ARHGAP32: variants seen among roughly 807,000 people sequenced by gnomAD.
The protein encoded by ARHGAP32 is Rho GTPase activating protein 32, also known as rho GTPase-activating protein 32.
Under a neutral mutation model 186.5 loss-of-function variants are expected in ARHGAP32, and 51 were observed. That is an observed-to-expected ratio of 0.27 (90% CI 0.22 to 0.35). The LOEUF is 0.35. Among genes scored for constraint, ARHGAP32 ranks in the 10% least tolerant of loss-of-function variants. The pLI is 1.00. For missense variants in ARHGAP32, 2,186 were observed against 2,623.5 expected (o/e 0.83, Z 3.64); for synonymous variants, 950 against 964.3 (o/e 0.99, Z 0.27).
intron 2 of ARHGAP32, among the ~76,000 whole-genome samples, chr11:129,129,087 T>G (rs1347062591): frequency 6.6e-6 from 1 of 151,264 alleles, no homozygotes; most frequent in Non-Finnish European, 1.5e-5. Context: ...CCGCCCCGTC[T>G]GGGATGTGAA....
intron 10 of ARHGAP32, among the ~76,000 whole-genome samples, chr11:129,049,245 A>C (rs1939938428): frequency 6.6e-6 from 1 of 152,178 alleles, no homozygotes; most frequent in Non-Finnish European, 1.5e-5. Flanking sequence ...CCTACAGTGT[A>C]TGACAACAGC....
chr11:128,983,709 T>A (rs1359074246), intron 15 of ARHGAP32, among the ~76,000 whole-genome samples: 1 of 151,642 alleles, frequency 6.6e-6, no homozygotes, highest in African/African-American at 2.4e-5. Context: ...GAAAACCATG[T>A]AAAATTTTAT....
intron 1 of ARHGAP32, among the ~76,000 whole-genome samples, chr11:129,256,874 A>G (rs1196105601): frequency 2.0e-5 from 3 of 152,198 alleles, no homozygotes; most frequent in Non-Finnish European, 2.9e-5. Flanking sequence ...GTTCAAGAAC[A>G]TAAGGGCTAA....
chr11:129,208,139 G>A (rs999258945), intron 1 of ARHGAP32, among the ~76,000 whole-genome samples: 3 of 152,134 alleles, frequency 2.0e-5, no homozygotes, highest in African/African-American at 7.2e-5. Flanking sequence ...CCTTAAAGTA[G>A]AGGACAGAAA....
rs966623652 is a variant in ARHGAP32, at chr11:128,967,778, T to C, written c.*1129A>G. ...AACGGGGCTGTGAACTAAGCAGTTA[T>C]TGCAGGAACTTGCAGTCTAATAATA... On this transcript the variant is annotated 3_prime_UTR_variant, in exon 23 of 23. Coordinates refer to ENST00000682385, the MANE Select transcript of ARHGAP32 (RefSeq NM_001378024.1). 1.3e-5 allele frequency: 2 copies of C among 152,184 alleles called. No homozygotes were observed. Among genetic ancestry groups the C allele is most frequent in the African/African-American group, 4.8e-5 (2 of 41,442 alleles). 9.4% of individuals were successfully genotyped at this position (152,184 alleles called of 1,614,324 possible). A position where few individuals can be genotyped will look rare whatever the true frequency, so the allele number is the denominator to read the frequency against.
At chr11:129,236,389 T>C (rs1944935321) in intron 1 of ARHGAP32, among the ~76,000 whole-genome samples, 1 of 152,174 alleles carries the variant, frequency 6.6e-6, no homozygotes, top group Non-Finnish European at 1.5e-5. Flanking sequence ...TGTCTATCCA[T>C]GTCCTTAGCC....
rs34762356 is a variant in ARHGAP32, at chr11:129,029,801, C to CAAAAAA, written c.1045+11121_1045+11126dup. ...TGGGGGACAGAGGGAGACTCCGTCT[C>CAAAAAA]AAAAAAAAAAAAAAAAAAAAAAAAA... On this transcript the variant is annotated intron_variant, in intron 11 of 22. Coordinates refer to ENST00000682385, the MANE Select transcript of ARHGAP32 (RefSeq NM_001378024.1). Among the ~76,000 whole-genome samples the CAAAAAA allele has an allele frequency of 5.8e-3, 271 of 46,928 alleles. 54 individuals are homozygous for CAAAAAA. The highest frequency in any genetic ancestry group is 0.022 in the African/African-American group (196 of 8,890). 30.8% of individuals were successfully genotyped at this position (46,928 alleles called of 152,430 possible). A position where few individuals can be genotyped will look rare whatever the true frequency, so the allele number is the denominator to read the frequency against.
rs1565339982 is a variant in ARHGAP32, at chr11:128,965,563, CTGACAT to C, written c.*3338_*3343del. ...AAGGAAAAAAGACCCTCTGTGCACACTGACATTATCTTGCACACGTTATAATACACC... is the reference window on the plus strand; with the variant it reads ...AAGGAAAAAAGACCCTCTGTGCACACTATCTTGCACACGTTATAATACACC... On this transcript the variant is annotated 3_prime_UTR_variant, in exon 23 of 23. Coordinates refer to ENST00000682385, the MANE Select transcript of ARHGAP32 (RefSeq NM_001378024.1). The C allele has an allele frequency of 6.6e-6, 1 of 152,202 alleles. No individual in the cohort carries two copies. Among genetic ancestry groups the C allele is most frequent in the Non-Finnish European group, 1.5e-5 (1 of 68,034 alleles). The allele number at this position is 152,202 out of a possible 1,614,324, so 9.4% of individuals were successfully genotyped here. A position where few individuals can be genotyped will look rare whatever the true frequency, so the allele number is the denominator to read the frequency against.
Position 129,047,125 on chromosome 11 carries a change from G to A in ARHGAP32, c.964-6116C>T, listed in dbSNP as rs372387636. ...CCTGGGTGACAGAGTGAAAGACTCC[G>A]TCTCAAAAAAAAAAAAAAAATTCTC... is the stretch of plus-strand genomic sequence containing the variant. On this transcript the variant is annotated intron_variant, in intron 10 of 22. Coordinates refer to ENST00000682385, the MANE Select transcript of ARHGAP32 (RefSeq NM_001378024.1). Among the ~76,000 whole-genome samples, 7 of 120,732 alleles carry A rather than the reference G, an allele frequency of 5.8e-5. No homozygotes were observed. In the South Asian group the frequency reaches 1.2e-3, roughly 21 times the overall value. 79.2% of individuals were successfully genotyped at this position (120,732 alleles called of 152,430 possible). A position where few individuals can be genotyped will look rare whatever the true frequency, so the allele number is the denominator to read the frequency against.
At chr11:129,133,049 G>A (rs1346843623) in intron 2 of ARHGAP32, among the ~76,000 whole-genome samples, 1 of 152,124 alleles carries the variant, frequency 6.6e-6, no homozygotes, top group African/African-American at 2.4e-5. Context: ...TGACTGGCGA[G>A]GCCTCAGGAA....
At chr11:129,117,208 T>C (rs1942391212) in intron 5 of ARHGAP32, among the ~76,000 whole-genome samples, 1 of 152,010 alleles carries the variant, frequency 6.6e-6, no homozygotes, top group African/African-American at 2.4e-5. Flanking sequence ...TCAGGCCGCC[T>C]TGATTCAAAT....
chr11:129,221,789 A>G (rs557723564), intron 1 of ARHGAP32, among the ~76,000 whole-genome samples: 4 of 152,062 alleles, frequency 2.6e-5, no homozygotes, highest in Admixed American at 2.6e-4. Flanking sequence ...CCTAGTCTGG[A>G]TGACAGAAGA....
intron 12 of ARHGAP32, among the ~76,000 whole-genome samples, chr11:128,997,338 T>A (rs181906568): frequency 1.2e-4 from 19 of 152,350 alleles, no homozygotes; most frequent in African/African-American, 4.1e-4. Context: ...ACAGTTTGCA[T>A]TAAATTCCTA....
chr11:129,102,508 C>T (rs1941929728), intron 5 of ARHGAP32, among the ~76,000 whole-genome samples: 1 of 152,030 alleles, frequency 6.6e-6, no homozygotes, highest in African/African-American at 2.4e-5. Context: ...CTTCTATCAC[C>T]TAACAACAAC....
chr11:129,023,079 T>C (rs542906595), intron 11 of ARHGAP32, among the ~76,000 whole-genome samples: 102 of 152,276 alleles, frequency 6.7e-4, no homozygotes, highest in African/African-American at 2.3e-3. Flanking sequence ...AGAAAAATGT[T>C]CAACCTCTGT....
chr11:129,045,192 G>A (rs1224438260), intron 10 of ARHGAP32, among the ~76,000 whole-genome samples: 1 of 152,122 alleles, frequency 6.6e-6, no homozygotes, highest in Non-Finnish European at 1.5e-5. Context: ...AGGCAAAGCC[G>A]CAACACATGT....
At chr11:129,151,293 A>G (rs1457351972) in intron 2 of ARHGAP32, among the ~76,000 whole-genome samples, 3 of 152,198 alleles carry the variant, frequency 2.0e-5, no homozygotes, top group Non-Finnish European at 4.4e-5. Context: ...GGGAAATTCA[A>G]TATTCCACTG....
intron 11 of ARHGAP32, among the ~76,000 whole-genome samples, chr11:129,040,577 C>A (rs1014727807): frequency 6.6e-6 from 1 of 152,088 alleles, no homozygotes; most frequent in Non-Finnish European, 1.5e-5. Flanking sequence ...ACTTACTTTT[C>A]ATTTATTAAT....
At chr11:129,075,106 G>C (rs590559) in intron 6 of ARHGAP32, among the ~76,000 whole-genome samples, 1 of 152,024 alleles carries the variant, frequency 6.6e-6, no homozygotes, top group Admixed American at 6.5e-5. Flanking sequence ...AAATAGGAAC[G>C]AAGAACAAGG....
Sources: allele counts gnomAD v4.1 joint callset (sites outside exome capture counted in the v4.1 genomes callset), GRCh38; gene constraint gnomAD v4.1.1; transcripts MANE v1.5; gene names NCBI Gene and HGNC (gene_info 2026-07-23, HGNC 2026-07-21).